PGBD5: variants seen among roughly 807,000 people sequenced by gnomAD.
The protein encoded by PGBD5 is piggyBac transposable element derived 5.
In PGBD5, 14 loss-of-function variants were observed where a neutral mutation model predicts 47.9. The observed-to-expected ratio is 0.29, with a 90% confidence interval of 0.19 to 0.46. The LOEUF is 0.46. Ranked by LOEUF, PGBD5 falls within the 20% of genes least tolerant of loss-of-function variation. The probability of loss-of-function intolerance (pLI) is 1.00; values close to 1 mark genes in which losing one functional copy is unlikely to be tolerated. For synonymous variants in PGBD5, 316 were observed against 306.3 expected, an observed-to-expected ratio of 1.03 and a Z score of -0.33; for missense variants, 635 against 716.0, an observed-to-expected ratio of 0.89 and a Z score of 1.29.
chr1:230,357,188 G>C lies in PGBD5; in HGVS notation c.465C>G (p.Ser155Arg), dbSNP rs765509303. ...YAKKFQERFG[S>R]DGAWVEVTLT... ...GCGTCACCTCCACCCAGGCTCCGTC[G>C]CTCCCAAACCGCTCCTGGAACTTCT... Residue 155 changes from serine (S) to arginine (R), a missense_variant, in exon 2 of 7, where the codon AGC becomes AGG. Physicochemically the swap from Ser to Arg is moderately radical, Grantham distance 110. Transcript: ENST00000391860. The surrounding 1 kb of genome is among the most constrained non-coding windows in gnomAD (Gnocchi z 5.7). 1 of 1,614,050 alleles carries C rather than the reference G, an allele frequency of 6.2e-7. No homozygotes were observed. The highest frequency in any genetic ancestry group is 1.3e-5 in the African/African-American group (1 of 74,964).
chr1:230,383,127 T>C (rs972570938), intron 1 of PGBD5, among the ~76,000 whole-genome samples: 1 of 152,164 alleles, frequency 6.6e-6, no homozygotes, highest in Admixed American at 6.5e-5. Flanking sequence ...CAGTGTGCAG[T>C]GGAGCAACCA....
Position 230,356,951 on chromosome 1 carries a change from G to C in PGBD5, c.702C>G (p.Pro234=), listed in dbSNP as rs375046817. ...AGCTGTTCTGCAGGGAGTCGAGGAA[G>C]GGCTGGACCTTGTAGAGCCCGTGCG... ...QTTHGLYKVQ[P]FLDSLQNSFD... Residue 234 remains proline (P), a synonymous_variant, in exon 2 of 7, where the codon CCC becomes CCG. Transcript: ENST00000391860. The C allele has an allele frequency of 3.1e-6, 5 of 1,614,218 alleles. No individual in the cohort carries two copies. The highest frequency in any genetic ancestry group is 4.2e-6 in the Non-Finnish European group (5 of 1,180,044).
rs536848188 is a variant in PGBD5 at position 230,422,415 on chromosome 1, C to A, written c.331+3183G>T. Among the ~76,000 whole-genome samples, 6 of 152,066 alleles carry A rather than the reference C, an allele frequency of 3.9e-5. No individual in the cohort carries two copies. In the East Asian group the frequency reaches 9.7e-4, roughly 25 times the overall value. On this transcript the variant is annotated intron_variant, in intron 1 of 6. Transcript: ENST00000391860. ...GTTGGTTATTTGCACAGTGGGCAGG[C>A]AGGCTGACAGCTTGAGGGGGCTATT...
At chr1:230,411,002 A>G (rs1041810423) in intron 1 of PGBD5, among the ~76,000 whole-genome samples, 8 of 152,084 alleles carry the variant, frequency 5.3e-5, no homozygotes, top group African/African-American at 1.9e-4. Flanking sequence ...GGCCAGGTAC[A>G]GTGGCTCACA....
At chr1:230,348,458 G>A (rs1667508462) in intron 3 of PGBD5, among the ~76,000 whole-genome samples, 1 of 152,204 alleles carries the variant, frequency 6.6e-6, no homozygotes, top group Non-Finnish European at 1.5e-5. Flanking sequence ...GTGAGCCAAA[G>A]CCACCTCATG....
In PGBD5 at chr1:230,425,934, C is replaced by A; in HGVS notation, c.-6G>T. The A allele has an allele frequency of 1.0e-6, 1 of 953,570 alleles. No individual in the cohort carries two copies. Among genetic ancestry groups the A allele is most frequent in the South Asian group, 5.0e-5 (1 of 19,852 alleles). 59.1% of individuals were successfully genotyped at this position (953,570 alleles called of 1,614,324 possible). On this transcript the variant is annotated 5_prime_UTR_variant, in exon 1 of 7. Transcript: ENST00000391860. This position sits in a 1 kb window ranked among gnomAD's most constrained non-coding sequence, Gnocchi z 4.7. ...CCCCCGCCGCCCTCGGCCATGGCCC[C>A]GGCCGCCGCCCGCGCGCCCGCCCCC...
At chr1:230,336,211 TCTCTACC>T (rs1667323151) in intron 4 of PGBD5, 1 of 152,168 alleles carries the variant, frequency 6.6e-6, no homozygotes, top group Non-Finnish European at 1.5e-5. Flanking sequence ...TCGTCGAATC[TCTCTACC>T]CTTGATTCTT....
At chr1:230,334,027 C>T (rs968245754) in intron 4 of PGBD5, among the ~76,000 whole-genome samples, 63 of 152,320 alleles carry the variant, frequency 4.1e-4, no homozygotes, top group African/African-American at 1.4e-3. Context: ...GCTCAGCTCC[C>T]GGAGGACCGA....
chr1:230,344,950 A>T (rs1667455001), intron 3 of PGBD5, among the ~76,000 whole-genome samples: 1 of 152,004 alleles, frequency 6.6e-6, no homozygotes, highest in African/African-American at 2.4e-5. Flanking sequence ...GCCACTCAGG[A>T]CACCTCCCAG....
rs145281180 is a variant in PGBD5 at position 230,373,638 on chromosome 1, T to C, written c.332-16317A>G. Among the ~76,000 whole-genome samples, 670 of 152,342 alleles carry C rather than the reference T, an allele frequency of 4.4e-3. 3 individuals carry two copies. Among genetic ancestry groups the C allele is most frequent in the African/African-American group, 0.015 (644 of 41,564 alleles). ...AAATTTTTAAGGTGAAATATGACTT[T>C]GTAAAATGTTCATATTTTTTGAAGT... On this transcript the variant is annotated intron_variant, in intron 1 of 6. Transcript: ENST00000391860.
intron 1 of PGBD5, among the ~76,000 whole-genome samples, chr1:230,417,259 T>A (rs1055660599): frequency 8.5e-5 from 13 of 152,148 alleles, no homozygotes; most frequent in African/African-American, 2.4e-4. Flanking sequence ...CATTCCCTTC[T>A]GCTGTCATTT....
In PGBD5 at chr1:230,320,262, A is replaced by G. The variant is rs1325661854; in HGVS notation, c.*3163T>C. 2.0e-5 allele frequency: 3 copies of G among 152,166 alleles called. No individual in the cohort carries two copies. Among genetic ancestry groups the G allele is most frequent in the East Asian group, 1.9e-4 (1 of 5,192 alleles). 9.4% of individuals were successfully genotyped at this position (152,166 alleles called of 1,614,324 possible). A position where few individuals can be genotyped will look rare whatever the true frequency, so the allele number is the denominator to read the frequency against. On this transcript the variant is annotated 3_prime_UTR_variant, in exon 7 of 7. Coordinates refer to ENST00000391860, the MANE Select transcript of PGBD5 (RefSeq NM_001258311.2). ...CCAAACAGAAACAGACATTCACTCAATGAAGTTAAATTTGCCTAAGAAGGA... is the reference window on the plus strand; with the variant it reads ...CCAAACAGAAACAGACATTCACTCAGTGAAGTTAAATTTGCCTAAGAAGGA...
At chr1:230,390,141 T>C (rs1269925539) in intron 1 of PGBD5, among the ~76,000 whole-genome samples, 1 of 151,974 alleles carries the variant, frequency 6.6e-6, no homozygotes, top group African/African-American at 2.4e-5. Context: ...CAGCAGAGAG[T>C]GGGGAACCCT....
At chr1:230,384,508 C>T (rs902514975) in intron 1 of PGBD5, among the ~76,000 whole-genome samples, 4 of 152,088 alleles carry the variant, frequency 2.6e-5, no homozygotes, top group Non-Finnish European at 5.9e-5. Context: ...AGTTTCCTAC[C>T]TGCTGAGCAC....
At chr1:230,394,769 A>G (rs1171363891) in intron 1 of PGBD5, among the ~76,000 whole-genome samples, 9 of 70,460 alleles carry the variant, frequency 1.3e-4, no homozygotes, top group African/African-American at 2.8e-4. Flanking sequence ...CGCTCCTCCC[A>G]ATCCCCAAGG....
chr1:230,411,934 T>G (rs890741473), intron 1 of PGBD5, among the ~76,000 whole-genome samples: 5 of 152,104 alleles, frequency 3.3e-5, no homozygotes, highest in Admixed American at 3.3e-4. Flanking sequence ...TAGAAGATAT[T>G]CATGAGAAGA....
At chr1:230,383,115 G>A (rs1656552391) in intron 1 of PGBD5, among the ~76,000 whole-genome samples, 1 of 152,124 alleles carries the variant, frequency 6.6e-6, no homozygotes, top group African/African-American at 2.4e-5. Context: ...TGTCACCCAG[G>A]CCAGTGTGCA....
At chr1:230,332,641 T>G (rs959867261) in intron 5 of PGBD5, among the ~76,000 whole-genome samples, 2 of 152,090 alleles carry the variant, frequency 1.3e-5, no homozygotes, top group African/African-American at 4.8e-5. Flanking sequence ...AACAGGGAGC[T>G]CTTTCCTCGC....
At chr1:230,351,856 C>T (rs1667564561) in intron 2 of PGBD5, among the ~76,000 whole-genome samples, 2 of 152,118 alleles carry the variant, frequency 1.3e-5, no homozygotes, top group Non-Finnish European at 2.9e-5. Context: ...TATGACTTTT[C>T]CCAATGATAA....
Sources: allele counts gnomAD v4.1 joint callset (sites outside exome capture counted in the v4.1 genomes callset), GRCh38; gene constraint gnomAD v4.1.1; non-coding constraint Gnocchi (gnomAD v3.1); transcripts MANE v1.5; gene names NCBI Gene and HGNC (gene_info 2026-07-23, HGNC 2026-07-21).